Variants in CST8 observed in about 807,000 individuals in gnomAD.
CST8 encodes cystatin-8.
CST8 carries 20 observed loss-of-function variants against 11.8 expected under a neutral mutation model. The observed-to-expected ratio is 1.70, with a 90% CI of 1.20 to 2.47. The LOEUF is 2.47. Among genes scored for constraint, CST8 ranks in the 30% most tolerant of loss-of-function variants. CST8 has a pLI of 0.00. For synonymous variants in CST8, 77 were observed against 63.1 expected (o/e 1.22, Z -1.05); for missense variants, 196 against 167.2 (o/e 1.17, Z -0.95).
At chr20:23,498,244 C>A (rs1988102755), downstream of CST8, among the ~76,000 whole-genome samples, 1 of 152,112 alleles carries the variant, frequency 6.6e-6, no homozygotes, top group South Asian at 2.1e-4. Context: ...CACTGCTGAA[C>A]TACACACTCA....
the CST8 span, among the ~76,000 whole-genome samples, chr20:23,507,082 C>G: frequency 7.2e-5 from 11 of 152,278 alleles, no homozygotes; most frequent in African/African-American, 2.4e-4. Context: ...CCTTTGAATA[C>G]ATTTCACTCC....
intron 3 of CST8, 130 bp downstream of exon 3, chr20:23,493,201 T>TG (rs1987944943): frequency 1.5e-6 from 1 of 666,158 alleles, no homozygotes; most frequent in Admixed American, 2.5e-5. Flanking sequence ...GCCAACCCTG[T>TG]GGCCTTTATA....
At chr20:23,503,213 A>G in the CST8 span, among the ~76,000 whole-genome samples, 3 of 152,236 alleles carry the variant, frequency 2.0e-5, no homozygotes, top group Non-Finnish European at 4.4e-5. Flanking sequence ...AAATTTACCC[A>G]AGCTAAAACC....
the CST8 span, among the ~76,000 whole-genome samples, chr20:23,504,293 G>C: frequency 6.6e-6 from 1 of 151,674 alleles, no homozygotes; most frequent in African/African-American, 2.4e-5. Context: ...ACAGTGTAGA[G>C]CCAATCACCA....
chr20:23,492,970 C>T lies in CST8; in HGVS notation c.244C>T (p.Leu82=), dbSNP rs1987934479. 1 of 1,598,228 alleles carries T rather than the reference C, an allele frequency of 6.3e-7. No individual in the cohort carries two copies. Among genetic ancestry groups the T allele is most frequent in the Non-Finnish European group, 8.6e-7 (1 of 1,165,780 alleles). The change falls in exon 3 of 4, where the codon CTG becomes TTG. Residue 82 remains leucine, a synonymous_variant. Transcript: ENST00000246012. ...TGCTAACCAACAGGTCACAAATCTT[C>T]TGGAATACCTTATTGATGTAGAAAT... ...LQAQLQVTNL[L]EYLIDVEIAR... is the part of the protein sequence containing the mutation.
chr20:23,504,619 A>G, the CST8 span, among the ~76,000 whole-genome samples: 2 of 152,212 alleles, frequency 1.3e-5, no homozygotes, highest in African/African-American at 4.8e-5. Flanking sequence ...AAAATGTAAA[A>G]TTGAAATTCT....
At chr20:23,492,839 T>G in intron 2 of CST8, 119 bp from the exon 3 acceptor site, 1 of 719,990 alleles carries the variant, frequency 1.4e-6, no homozygotes, top group Non-Finnish European at 2.5e-6. Flanking sequence ...AAGCTCTGTC[T>G]GGGGGTGAGG....
At chr20:23,491,998 A>T (rs997089940) in intron 2 of CST8, 100 bp downstream of exon 2, 1 of 881,186 alleles carries the variant, frequency 1.1e-6, no homozygotes, top group African/African-American at 1.7e-5. Context: ...ACTATGCAAA[A>T]ATCCTAAATA....
In CST8 at chr20:23,493,079, A is replaced by G. The variant is rs778893967; in HGVS notation, c.345+8A>G. ...AACTCCAAGCTGAAAAGGGTAGGTGATGAACCACTCATCTGTGACGGCCTA... is the reference window on the plus strand; with the variant it reads ...AACTCCAAGCTGAAAAGGGTAGGTGGTGAACCACTCATCTGTGACGGCCTA... On this transcript the variant is annotated splice_region_variant and intron_variant, in intron 3 of 3. Transcript: ENST00000246012. 23 of 1,497,482 alleles carry G rather than the reference A, an allele frequency of 1.5e-5. No individual in the cohort carries two copies. Among genetic ancestry groups the G allele is most frequent in the Non-Finnish European group, 2.0e-5 (21 of 1,074,134 alleles). 92.8% of individuals were successfully genotyped at this position (1,497,482 alleles called of 1,614,324 possible).
chr20:23,502,474 G>C, the CST8 span, among the ~76,000 whole-genome samples: 2 of 152,142 alleles, frequency 1.3e-5, no homozygotes, highest in Non-Finnish European at 2.9e-5. Context: ...AAAGAAGATA[G>C]AGTGCCGCAC....
chr20:23,500,121 G>A (rs1003143942), downstream of CST8, among the ~76,000 whole-genome samples: 1 of 151,978 alleles, frequency 6.6e-6, no homozygotes, highest in Non-Finnish European at 1.5e-5. Context: ...CTTACGGTGG[G>A]AAACTCTCTC....
At chr20:23,491,460 G>A (rs2122181260) in intron 1 of CST8, 65 bp from the exon 2 acceptor site, 2 of 586,280 alleles carry the variant, frequency 3.4e-6, no homozygotes, top group South Asian at 4.2e-5. Flanking sequence ...TTCCTGGGTG[G>A]GTTTCCATGG....
chr20:23,504,570 C>A, the CST8 span, among the ~76,000 whole-genome samples: 1 of 151,936 alleles, frequency 6.6e-6, no homozygotes, highest in African/African-American at 2.4e-5. Flanking sequence ...AAGTAACAGG[C>A]TAAAGTAACT....
At chr20:23,498,213 C>T (rs1988101468), downstream of CST8, among the ~76,000 whole-genome samples, 1 of 152,078 alleles carries the variant, frequency 6.6e-6, no homozygotes, top group Admixed American at 6.5e-5. Flanking sequence ...AGGTTGGATG[C>T]ATGACAATGT....
At chr20:23,495,688 T>C (rs1478702129) in intron 3 of CST8, 143 bp from the exon 4 acceptor site, 1 of 648,096 alleles carries the variant, frequency 1.5e-6, no homozygotes, top group African/African-American at 1.9e-5. Flanking sequence ...GCTCTGCAGA[T>C]TCCTGGGAGC....
intron 3 of CST8, among the ~76,000 whole-genome samples, chr20:23,494,700 G>A (rs74428183): frequency 0.03 from 4,500 of 152,130 alleles, 207 homozygotes; most frequent in African/African-American, 0.099. Context: ...AGGATATTTT[G>A]TTTGTCATTT....
chr20:23,493,460 C>A (rs1199355003), intron 3 of CST8, among the ~76,000 whole-genome samples: 1 of 152,230 alleles, frequency 6.6e-6, no homozygotes, highest in Non-Finnish European at 1.5e-5. Flanking sequence ...GAACTTCATT[C>A]ATTCACTCAT....
downstream of CST8, among the ~76,000 whole-genome samples, chr20:23,500,435 C>T (rs1988156095): frequency 6.6e-6 from 1 of 152,158 alleles, no homozygotes; most frequent in African/African-American, 2.4e-5. Flanking sequence ...AGGGCCTTCA[C>T]CACCTAACTT....
Position 23,495,715 on chromosome 20 carries a change from A to G in CST8, c.346-116A>G, listed in dbSNP as rs1988021970. The G allele has an allele frequency of 4.2e-5, 31 of 739,986 alleles. No homozygotes were observed. In the South Asian group the frequency reaches 4.4e-4, roughly 10 times the overall value. 45.8% of individuals were successfully genotyped at this position (739,986 alleles called of 1,614,324 possible). A position where few individuals can be genotyped will look rare whatever the true frequency, so the allele number is the denominator to read the frequency against. ...CCTGGGAGCTCGCTCGAGAGTGGTG[A>G]CCCATCTGTCAGCACACACCTAAAC... On this transcript the variant is annotated intron_variant, in intron 3 of 3. Coordinates refer to ENST00000246012, the MANE Select transcript of CST8 (RefSeq NM_005492.4).
Sources: gnomAD v4.1 joint callset for allele counts (sites outside exome capture counted in the v4.1 genomes callset) on GRCh38, gnomAD v4.1.1 for gene constraint, MANE v1.5 for transcripts, NCBI Gene and HGNC (gene_info 2026-07-23, HGNC 2026-07-21) for gene names.